Variants in CTNNA3 observed in about 807,000 individuals in gnomAD.
CTNNA3 encodes catenin alpha 3, also known as catenin alpha-3.
Under a neutral mutation model 95.7 loss-of-function variants are expected in CTNNA3, and 76 were observed. That is an observed-to-expected ratio of 0.79 (90% CI 0.66 to 0.96). CTNNA3 has a LOEUF of 0.96. CTNNA3 is among the 40% of genes least tolerant of loss of function. The pLI is 0.00. For synonymous variants in CTNNA3, 431 were observed against 374.4 expected (o/e 1.15, Z -1.74); for missense variants, 1,191 against 1,089.8 (o/e 1.09, Z -1.31).
At chr10:67,149,579 C>T (rs1439148929) in intron 7 of CTNNA3, among the ~76,000 whole-genome samples, 5 of 151,908 alleles carry the variant, frequency 3.3e-5, no homozygotes, top group African/African-American at 1.2e-4. Flanking sequence ...AGATAGACTC[C>T]GTCTCAAAAA....
At chr10:66,772,222 G>C (rs937815978) in intron 8 of CTNNA3, among the ~76,000 whole-genome samples, 1 of 151,984 alleles carries the variant, frequency 6.6e-6, no homozygotes, top group Admixed American at 6.6e-5. Context: ...TCAGGAGTTC[G>C]AGACCAGCCT....
chr10:67,122,858 A>G (rs1179022384), intron 7 of CTNNA3, among the ~76,000 whole-genome samples: 4 of 152,152 alleles, frequency 2.6e-5, no homozygotes, highest in Non-Finnish European at 4.4e-5. Flanking sequence ...TACCATCAAT[A>G]TTCCTACCTA....
intron 10 of CTNNA3, among the ~76,000 whole-genome samples, chr10:66,546,301 A>G (rs1410467923): frequency 6.6e-6 from 1 of 152,160 alleles, no homozygotes; most frequent in Non-Finnish European, 1.5e-5. Context: ...TTACTTTCAC[A>G]TGCATGTAAT....
intron 7 of CTNNA3, among the ~76,000 whole-genome samples, chr10:66,813,959 A>C (rs1841980259): frequency 6.6e-6 from 1 of 152,136 alleles, no homozygotes; most frequent in South Asian, 2.1e-4. Context: ...GGAAGCCTAA[A>C]TTACGGCAGT....
rs143194913 is a variant in CTNNA3 at position 65,996,993 on chromosome 10, A to G, written c.2160-8196T>C. Among the ~76,000 whole-genome samples, 236 of 151,542 alleles carry G rather than the reference A, an allele frequency of 1.6e-3. 3 individuals carry two copies. Among genetic ancestry groups the G allele is most frequent in the African/African-American group, 5.6e-3 (228 of 40,982 alleles). Reference sequence around the variant, plus strand: ...TCCTGTTCCAATCTTTATTTTTTAAATCTGTTTTTACAGTCTTTCCATTAA... The same window carrying G: ...TCCTGTTCCAATCTTTATTTTTTAAGTCTGTTTTTACAGTCTTTCCATTAA... On this transcript the variant is annotated intron_variant, in intron 15 of 17. Transcript: ENST00000433211.
intron 4 of CTNNA3, among the ~76,000 whole-genome samples, chr10:67,535,677 A>C (rs1314595155): frequency 6.6e-6 from 1 of 152,136 alleles, no homozygotes; most frequent in East Asian, 1.9e-4. Flanking sequence ...TTTTGATTTC[A>C]AGACACTGAT....
intron 13 of CTNNA3, among the ~76,000 whole-genome samples, chr10:66,193,618 A>G (rs1363175671): frequency 1.3e-5 from 2 of 152,246 alleles, no homozygotes; most frequent in East Asian, 1.9e-4. Context: ...ATTTTTAGAC[A>G]ATATAGCACA....
chr10:67,290,954 T>C (rs774336289), intron 5 of CTNNA3, among the ~76,000 whole-genome samples: 1 of 152,148 alleles, frequency 6.6e-6, no homozygotes, highest in Non-Finnish European at 1.5e-5. Context: ...GTGGGTGATG[T>C]TGAGTTTGCT....
At chr10:67,470,359 C>G (rs909777642) in intron 5 of CTNNA3, among the ~76,000 whole-genome samples, 1 of 152,166 alleles carries the variant, frequency 6.6e-6, no homozygotes, top group African/African-American at 2.4e-5. Context: ...TTGATGGACA[C>G]TTAGGCTGCT....
intron 7 of CTNNA3, among the ~76,000 whole-genome samples, chr10:67,020,065 A>G (rs1852905036): frequency 7.5e-6 from 1 of 132,718 alleles, no homozygotes; most frequent in African/African-American, 2.5e-5. Flanking sequence ...AGATTCTACC[A>G]AGGTCACCTT....
chr10:66,273,965 C>T lies in CTNNA3; in HGVS notation c.1884+6505G>A, dbSNP rs572513842. Among the ~76,000 whole-genome samples, 24 of 151,544 alleles carry T rather than the reference C, an allele frequency of 1.6e-4. 1 individual carries two copies. Among genetic ancestry groups the T allele is most frequent in the Admixed American group, 1.6e-3 (24 of 15,208 alleles). Reference sequence around the variant, plus strand: ...AGCTCCAGGAACCTCGAAGAAAAGACAATTCTAATATTCAAATATTTGGGA... The same window carrying T: ...AGCTCCAGGAACCTCGAAGAAAAGATAATTCTAATATTCAAATATTTGGGA... On this transcript the variant is annotated intron_variant, in intron 13 of 17. Transcript: ENST00000433211.
intron 11 of CTNNA3, among the ~76,000 whole-genome samples, chr10:66,453,045 C>T (rs910856035): frequency 1.4e-5 from 2 of 140,592 alleles, no homozygotes; most frequent in African/African-American, 5.6e-5. Flanking sequence ...GAAACCTTGT[C>T]TCTACTAAAA....
chr10:67,076,550 A>G (rs946302272), intron 7 of CTNNA3, among the ~76,000 whole-genome samples: 4 of 152,248 alleles, frequency 2.6e-5, no homozygotes, highest in African/African-American at 4.8e-5. Flanking sequence ...ATTTGAGCAC[A>G]TAGAGAAGCC....
At chr10:67,021,002 A>G (rs986153763) in intron 7 of CTNNA3, among the ~76,000 whole-genome samples, 1 of 152,172 alleles carries the variant, frequency 6.6e-6, no homozygotes, top group Admixed American at 6.6e-5. Context: ...TGAGATACCA[A>G]CTGAAGAGTT....
At chr10:65,950,771 A>T (rs1323170515) in intron 17 of CTNNA3, among the ~76,000 whole-genome samples, 1 of 152,242 alleles carries the variant, frequency 6.6e-6, no homozygotes, top group Non-Finnish European at 1.5e-5. Flanking sequence ...ACTATTTGAC[A>T]TATGAATAAG....
At chr10:67,660,764 T>C (rs1367671210) in intron 1 of CTNNA3, among the ~76,000 whole-genome samples, 1 of 151,986 alleles carries the variant, frequency 6.6e-6, no homozygotes, top group Non-Finnish European at 1.5e-5. Context: ...ACCCCATCTC[T>C]ACTAAAAATA....
chr10:66,079,922 T>C (rs1375568054), intron 14 of CTNNA3, among the ~76,000 whole-genome samples: 4 of 152,064 alleles, frequency 2.6e-5, no homozygotes, highest in African/African-American at 9.7e-5. Flanking sequence ...CTATTGCCTA[T>C]TTACTAGGTT....
In CTNNA3 at chr10:66,176,451, C is replaced by T. The variant is rs2085718493; in HGVS notation, c.1885-73202G>A. 2.0e-5 allele frequency among the ~76,000 whole-genome samples: 3 copies of T among 152,090 alleles called. No homozygotes were observed. In the South Asian group the frequency reaches 6.2e-4, roughly 32 times the overall value. ...CTCTTACATAAAAGGAACTATTAAA[C>T]TTAGAGAATTGAACAATGGAGAGAT... On this transcript the variant is annotated intron_variant, in intron 13 of 17. Transcript: ENST00000433211.
intron 13 of CTNNA3, among the ~76,000 whole-genome samples, chr10:66,192,796 G>T (rs1176841570): frequency 6.6e-6 from 1 of 151,838 alleles, no homozygotes; most frequent in African/African-American, 2.4e-5. Context: ...AAATTTCTTT[G>T]CATATATTTT....
Sources: allele counts gnomAD v4.1 joint callset (sites outside exome capture counted in the v4.1 genomes callset), GRCh38; gene constraint gnomAD v4.1.1; transcripts MANE v1.5; gene names NCBI Gene and HGNC (gene_info 2026-07-23, HGNC 2026-07-21).